Variants in SEMA5A observed in about 807,000 individuals in gnomAD.
SEMA5A encodes semaphorin 5A.
A neutral mutation model predicts 135.5 loss-of-function variants in SEMA5A; 55 were observed. That is an observed-to-expected ratio of 0.41 (90% CI 0.33 to 0.51). SEMA5A has a LOEUF of 0.51. SEMA5A is among the 20% of genes least tolerant of loss of function. The pLI is 0.37. For synonymous variants in SEMA5A, 580 were observed against 546.5 expected (o/e 1.06, Z -0.85); for missense variants, 1,290 against 1,419.9 (o/e 0.91, Z 1.47).
intron 2 of SEMA5A, among the ~76,000 whole-genome samples, chr5:9,396,843 C>T (rs986828304): frequency 1.9e-4 from 29 of 152,276 alleles, no homozygotes; most frequent in African/African-American, 6.7e-4. Flanking sequence ...TGAGCATAAA[C>T]CTTTTCTTCA....
intron 1 of SEMA5A, among the ~76,000 whole-genome samples, chr5:9,476,461 C>T (rs993866257): frequency 1.3e-5 from 2 of 151,974 alleles, no homozygotes; most frequent in African/African-American, 4.8e-5. Context: ...CTGTTAGCTG[C>T]CTTTTTGGTT....
At chr5:9,269,293 G>A (rs1032410320) in intron 5 of SEMA5A, among the ~76,000 whole-genome samples, 1 of 152,122 alleles carries the variant, frequency 6.6e-6, no homozygotes, top group African/African-American at 2.4e-5. Flanking sequence ...GATAATACAG[G>A]ATCTCCTGTA....
intron 3 of SEMA5A, among the ~76,000 whole-genome samples, chr5:9,378,743 G>A (rs969402858): frequency 1.3e-5 from 2 of 152,112 alleles, no homozygotes; most frequent in African/African-American, 2.4e-5. Context: ...CTTAAATCTC[G>A]ATTTGACTTA....
intron 5 of SEMA5A, among the ~76,000 whole-genome samples, chr5:9,268,193 C>T (rs2150532205): frequency 6.6e-6 from 1 of 152,194 alleles, no homozygotes; most frequent in African/African-American, 2.4e-5. Flanking sequence ...TGGTAGATTT[C>T]ATCTGTTAAG....
chr5:9,494,208 G>C (rs543371906), intron 1 of SEMA5A, among the ~76,000 whole-genome samples: 6 of 152,178 alleles, frequency 3.9e-5, no homozygotes, highest in African/African-American at 1.4e-4. Context: ...TTGGCCTCAA[G>C]GTGCCTATCT....
chr5:9,099,425 T>G (rs16881972), intron 16 of SEMA5A, among the ~76,000 whole-genome samples: 17,406 of 152,188 alleles, frequency 0.11, 1,537 homozygotes, highest in East Asian at 0.32. Flanking sequence ...AATATCCAGT[T>G]TCAGCAAGGG....
At chr5:9,124,600 G>A (rs1741005452) in intron 13 of SEMA5A, among the ~76,000 whole-genome samples, 1 of 152,054 alleles carries the variant, frequency 6.6e-6, no homozygotes, top group Non-Finnish European at 1.5e-5. Context: ...GGGACTACAG[G>A]CACCTGTGAC....
chr5:9,235,657 C>T (rs934179544), intron 6 of SEMA5A, among the ~76,000 whole-genome samples: 1 of 150,842 alleles, frequency 6.6e-6, no homozygotes, highest in Non-Finnish European at 1.5e-5. Context: ...ATTTTCAGAA[C>T]AGACACTGTG....
At position 9,194,375 on chromosome 5, in the gene SEMA5A, T is replaced by C. The variant is rs140865059; in HGVS notation, c.1068+2793A>G. Among the ~76,000 whole-genome samples, 531 of 152,360 alleles carry C rather than the reference T, an allele frequency of 3.5e-3. 15 individuals carry two copies. In the South Asian group the frequency reaches 0.054, roughly 16 times the overall value. ...AATCCAATTCTGCTTTCTGCTTCTC[T>C]GATTAATTAGCTACTTCTAGTATGT... On this transcript the variant is annotated intron_variant, in intron 10 of 22. Transcript: ENST00000382496.
At chr5:9,167,610 C>G (rs1409123906) in intron 11 of SEMA5A, among the ~76,000 whole-genome samples, 1 of 152,208 alleles carries the variant, frequency 6.6e-6, no homozygotes, top group Admixed American at 6.5e-5. Flanking sequence ...AGCCATCTCC[C>G]CATCCCCCAA....
intron 11 of SEMA5A, among the ~76,000 whole-genome samples, chr5:9,181,742 G>A (rs1306249904): frequency 1.3e-5 from 2 of 152,096 alleles, no homozygotes; most frequent in African/African-American, 4.8e-5. Context: ...GGAGAGGGGG[G>A]ACTAGAAACA....
In SEMA5A at chr5:9,037,222, A is replaced by T. The variant is rs1031258034; in HGVS notation, c.*5675T>A. On this transcript the variant is annotated 3_prime_UTR_variant, in exon 23 of 23. Coordinates refer to ENST00000382496, the MANE Select transcript of SEMA5A (RefSeq NM_003966.3). ...GACTAGTTCCTGCCATTGCGCCAAC[A>T]CTGTAAAACATGTTTGCTTGAGCAA... 1.3e-5 allele frequency: 2 copies of T among 152,222 alleles called. No homozygotes were observed. Among genetic ancestry groups the T allele is most frequent in the African/African-American group, 4.8e-5 (2 of 41,448 alleles). 9.4% of individuals were successfully genotyped at this position (152,222 alleles called of 1,614,324 possible).
intron 16 of SEMA5A, among the ~76,000 whole-genome samples, chr5:9,081,039 T>C (rs1252751429): frequency 1.3e-5 from 2 of 152,192 alleles, no homozygotes; most frequent in Non-Finnish European, 2.9e-5. Flanking sequence ...TTGCTGGCTT[T>C]GAAGAAGGAA....
chr5:9,318,817 A>G (rs1392567046), intron 4 of SEMA5A, among the ~76,000 whole-genome samples: 2 of 152,194 alleles, frequency 1.3e-5, no homozygotes, highest in Non-Finnish European at 2.9e-5. Flanking sequence ...ACCATGTTTT[A>G]TAATTAAGAT....
At chr5:9,336,868 A>G (rs893184966) in intron 4 of SEMA5A, among the ~76,000 whole-genome samples, 4 of 152,234 alleles carry the variant, frequency 2.6e-5, no homozygotes, top group African/African-American at 7.2e-5. Flanking sequence ...TGGACAAAAA[A>G]TATAATGAAC....
At chr5:9,502,722 G>A (rs1735661465) in intron 1 of SEMA5A, among the ~76,000 whole-genome samples, 1 of 152,158 alleles carries the variant, frequency 6.6e-6, no homozygotes, top group African/African-American at 2.4e-5. Context: ...TCAACTTCAA[G>A]GAGAGGAGCA....
At chr5:9,044,322 C>T (rs778402411) in intron 22 of SEMA5A, 51 bp downstream of exon 22, 3 of 1,467,042 alleles carry the variant, frequency 2.0e-6, no homozygotes, top group Non-Finnish European at 2.9e-6. Context: ...ATACTCCCTA[C>T]AAGTGTTAAG....
intron 12 of SEMA5A, among the ~76,000 whole-genome samples, chr5:9,140,082 C>G (rs768147446): frequency 1.1e-4 from 17 of 152,094 alleles, no homozygotes; most frequent in Non-Finnish European, 2.2e-4. Context: ...TTTCTTTTCC[C>G]GTTATTCAAA....
At chr5:9,423,549 A>C (rs1757543450) in intron 2 of SEMA5A, among the ~76,000 whole-genome samples, 1 of 152,236 alleles carries the variant, frequency 6.6e-6, no homozygotes, top group Admixed American at 6.5e-5. Flanking sequence ...GCCAGTGCCA[A>C]ATCTTGTTTT....
Sources: gnomAD v4.1 joint callset for allele counts (sites outside exome capture counted in the v4.1 genomes callset) on GRCh38, gnomAD v4.1.1 for gene constraint, MANE v1.5 for transcripts, NCBI Gene and HGNC (gene_info 2026-07-23, HGNC 2026-07-21) for gene names.